Variants in ARHGEF3 observed in about 807,000 individuals in gnomAD.
The protein encoded by ARHGEF3 is 59.8 kDA protein.
ARHGEF3 carries 28 observed loss-of-function variants against 63.2 expected under a neutral mutation model. The ratio of observed to expected loss-of-function variants is 0.44; its 90% confidence interval spans 0.33 to 0.61. The LOEUF (loss-of-function observed/expected upper bound fraction) is 0.61, where lower values mean the gene tolerates loss of function less well. ARHGEF3 is among the 20% of genes least tolerant of loss of function. The pLI is 0.03. For synonymous variants in ARHGEF3, 266 were observed against 254.2 expected, an observed-to-expected ratio of 1.05 and a Z score of -0.44; for missense variants, 533 against 659.3, an observed-to-expected ratio of 0.81 and a Z score of 2.10.
chr3:57,003,731 G>A (rs1024539768), intron 2 of ARHGEF3, among the ~76,000 whole-genome samples: 1 of 152,158 alleles, frequency 6.6e-6, no homozygotes, highest in Admixed American at 6.5e-5. Context: ...GAAGCAAGAA[G>A]GTCCGAGCAG....
intron 4 of ARHGEF3, among the ~76,000 whole-genome samples, chr3:56,870,040 A>G (rs2040385872): frequency 6.6e-6 from 1 of 152,164 alleles, no homozygotes; most frequent in Admixed American, 6.5e-5. Context: ...AAGAGTTACA[A>G]ACACTGTTAT....
chr3:56,951,584 C>G (rs1450130593), intron 3 of ARHGEF3, among the ~76,000 whole-genome samples: 1 of 151,940 alleles, frequency 6.6e-6, no homozygotes, highest in Non-Finnish European at 1.5e-5. Context: ...CCAGCAATGT[C>G]TCTGGGGTGT....
intron 3 of ARHGEF3, among the ~76,000 whole-genome samples, chr3:56,903,732 C>T (rs747112461): frequency 1.3e-5 from 2 of 152,144 alleles, no homozygotes; most frequent in Non-Finnish European, 2.9e-5. Context: ...ACAGGGCCTG[C>T]CTGCTTCTAG....
exon 4 of ARHGEF3, chr3:56,882,312 G>A: frequency 6.4e-7 from 1 of 1,551,802 alleles, no homozygotes; most frequent in Non-Finnish European, 8.7e-7. Flanking sequence ...AGACTGCAAA[G>A]GCTAACAGCA....
intron 4 of ARHGEF3, among the ~76,000 whole-genome samples, chr3:56,837,258 G>C (rs916183248): frequency 2.6e-5 from 4 of 152,150 alleles, no homozygotes; most frequent in African/African-American, 9.7e-5. Flanking sequence ...AAAAGGAAGG[G>C]GAGGGAGCAA....
intron 4 of ARHGEF3, among the ~76,000 whole-genome samples, chr3:56,868,010 A>G (rs2040312160): frequency 6.6e-6 from 1 of 152,178 alleles, no homozygotes. Flanking sequence ...TAAAATCAAT[A>G]GCAAAGGCAT....
chr3:56,888,190 A>C (rs184250072), intron 3 of ARHGEF3, among the ~76,000 whole-genome samples: 1 of 151,604 alleles, frequency 6.6e-6, no homozygotes, highest in Admixed American at 6.6e-5. Flanking sequence ...TTGTTTAGAC[A>C]TTGGTCCAAG....
intron 2 of ARHGEF3, among the ~76,000 whole-genome samples, chr3:56,995,702 C>A (rs994417671): frequency 6.8e-6 from 1 of 146,448 alleles, no homozygotes; most frequent in African/African-American, 2.6e-5. Context: ...CAATTTGAGA[C>A]CCCAGTAGAG....
chr3:57,010,258 T>C (rs1038537681), intron 2 of ARHGEF3, among the ~76,000 whole-genome samples: 2 of 151,856 alleles, frequency 1.3e-5, no homozygotes, highest in East Asian at 3.9e-4. Context: ...ATAGAGACCA[T>C]CCTGGCTAAC....
At chr3:57,050,583 A>G (rs1430881372) in intron 1 of ARHGEF3, among the ~76,000 whole-genome samples, 1 of 152,146 alleles carries the variant, frequency 6.6e-6, no homozygotes, top group Admixed American at 6.5e-5. Context: ...GTCCAAGTAT[A>G]ATGGTGGGGG....
At position 56,790,471 on chromosome 3, in the gene ARHGEF3, C is replaced by T. The variant is rs545143879; in HGVS notation, c.96+11232G>A. 1.6e-4 allele frequency among the ~76,000 whole-genome samples: 25 copies of T among 152,280 alleles called. No homozygotes were observed. The South Asian group carries it at 4.4e-3, about 27-fold the overall frequency. Reference sequence around the variant, plus strand: ...CTGACTCCTTCTGCAAGATCACACCCAGACATCCCCAACACAATCACCAGG... The same window carrying T: ...CTGACTCCTTCTGCAAGATCACACCTAGACATCCCCAACACAATCACCAGG... On this transcript the variant is annotated intron_variant, in intron 1 of 9. Transcript: ENST00000296315.
chr3:56,897,630 G>A (rs531000631), intron 3 of ARHGEF3, among the ~76,000 whole-genome samples: 49 of 148,874 alleles, frequency 3.3e-4, no homozygotes, highest in African/African-American at 1.2e-3. Flanking sequence ...GTGTGATCTC[G>A]GCTCACTGCA....
chr3:56,829,328 C>T (rs923915500), intron 4 of ARHGEF3, among the ~76,000 whole-genome samples: 3 of 152,162 alleles, frequency 2.0e-5, no homozygotes, highest in East Asian at 1.9e-4. Context: ...TCTGAGCTCC[C>T]GGTGAGTGTA....
chr3:56,934,008 G>C (rs1327260385), intron 3 of ARHGEF3, among the ~76,000 whole-genome samples: 1 of 152,152 alleles, frequency 6.6e-6, no homozygotes, highest in Admixed American at 6.5e-5. Context: ...TGTAAGATGT[G>C]CCTGCTTTCC....
At chr3:56,980,516 T>C (rs531267369) in intron 2 of ARHGEF3, among the ~76,000 whole-genome samples, 32 of 152,228 alleles carry the variant, frequency 2.1e-4, no homozygotes, top group South Asian at 4.1e-4. Context: ...ATATAGTACC[T>C]ACGTAGGTTA....
In ARHGEF3 at chr3:56,743,493, T is replaced by C. The variant is rs527738710; in HGVS notation, c.870+1712A>G. Among the ~76,000 whole-genome samples, 5 of 152,302 alleles carry C rather than the reference T, an allele frequency of 3.3e-5. No homozygotes were observed. In the East Asian group the frequency reaches 9.6e-4, roughly 29 times the overall value. On this transcript the variant is annotated intron_variant, in intron 7 of 9. Transcript: ENST00000296315. ...TGGCTGTGGACCTGGGCAAGCTATTTAACCCCTCTAAGCCTCATCTGGAAA... is the reference window on the plus strand; with the variant it reads ...TGGCTGTGGACCTGGGCAAGCTATTCAACCCCTCTAAGCCTCATCTGGAAA...
chr3:56,921,202 T>C (rs1209194422), intron 3 of ARHGEF3, among the ~76,000 whole-genome samples: 1 of 98,312 alleles, frequency 1.0e-5, no homozygotes, highest in Non-Finnish European at 2.1e-5. Context: ...CTATTCTCCA[T>C]AAAAAGAAAA....
chr3:56,825,950 C>G (rs999560524), intron 4 of ARHGEF3, among the ~76,000 whole-genome samples: 3 of 152,146 alleles, frequency 2.0e-5, no homozygotes, highest in South Asian at 2.1e-4. Flanking sequence ...AATCAGCAAC[C>G]CTTCCTTCTA....
intron 1 of ARHGEF3, among the ~76,000 whole-genome samples, chr3:56,799,629 C>A (rs1197330927): frequency 6.6e-6 from 1 of 152,188 alleles, no homozygotes; most frequent in East Asian, 1.9e-4. Flanking sequence ...ACGACACCTA[C>A]TGGTGGAAAA....
Sources: allele counts gnomAD v4.1 joint callset (sites outside exome capture counted in the v4.1 genomes callset), GRCh38; gene constraint gnomAD v4.1.1; transcripts MANE v1.5; gene names NCBI Gene and HGNC (gene_info 2026-07-23, HGNC 2026-07-21).